Variants in LCOR observed in about 807,000 individuals in gnomAD.
LCOR encodes ligand dependent nuclear receptor corepressor, also known as ligand-dependent corepressor.
Under a neutral mutation model 64.4 loss-of-function variants are expected in LCOR, and 14 were observed. That is an observed-to-expected ratio of 0.22 (90% CI 0.14 to 0.34). The LOEUF (loss-of-function observed/expected upper bound fraction) is 0.34, where lower values mean the gene tolerates loss of function less well. Ranked by LOEUF, LCOR falls within the 10% of genes least tolerant of loss-of-function variation. The probability of loss-of-function intolerance (pLI) is 1.00; values close to 1 mark genes in which losing one functional copy is unlikely to be tolerated. For missense variants in LCOR, 1,686 were observed against 1,765.3 expected (o/e 0.96, Z 0.80); for synonymous variants, 643 against 642.5 (o/e 1.00, Z -0.01).
At chr10:96,969,354 C>G (rs1847977543) in intron 7 of LCOR, among the ~76,000 whole-genome samples, 1 of 152,144 alleles carries the variant, frequency 6.6e-6, no homozygotes, top group Admixed American at 6.5e-5. Flanking sequence ...TTTCATGGTA[C>G]TGTTTTAGGG....
chr10:96,952,252 T>C, intron 7 of LCOR, 56 bp downstream of exon 7: 1 of 1,169,258 alleles, frequency 8.6e-7, no homozygotes. Context: ...TCATCAAAGG[T>C]TGATGCCAGT....
intron 6 of LCOR, among the ~76,000 whole-genome samples, chr10:96,950,727 A>C (rs1290453527): frequency 6.6e-6 from 1 of 152,098 alleles, no homozygotes; most frequent in African/African-American, 2.4e-5. Context: ...TATTTCCTTA[A>C]TGAATGTGTT....
At chr10:96,957,545 C>G (rs1339252643) in intron 7 of LCOR, 13 of 985,294 alleles carry the variant, frequency 1.3e-5, no homozygotes, top group Non-Finnish European at 1.6e-5. Flanking sequence ...CTTCTAAATG[C>G]TTAACCAAAA....
intron 4 of LCOR, among the ~76,000 whole-genome samples, chr10:96,938,883 A>G (rs780028845): frequency 1.3e-5 from 2 of 152,228 alleles, no homozygotes; most frequent in African/African-American, 2.4e-5. Context: ...TTACATGGAA[A>G]GACATGTTCA....
At chr10:96,873,327 C>G (rs940965490) in intron 2 of LCOR, among the ~76,000 whole-genome samples, 1 of 152,094 alleles carries the variant, frequency 6.6e-6, no homozygotes, top group Non-Finnish European at 1.5e-5. Flanking sequence ...ATCTTTTTAA[C>G]TTTCCATTTT....
intron 4 of LCOR, among the ~76,000 whole-genome samples, chr10:96,914,484 A>C (rs754830277): frequency 6.6e-6 from 1 of 152,224 alleles, no homozygotes; most frequent in Non-Finnish European, 1.5e-5. Context: ...GGCGCGAGCC[A>C]CCGCGCCTGG....
At chr10:96,906,490 A>ATCT (rs1846730374) in intron 2 of LCOR, among the ~76,000 whole-genome samples, 3 of 152,194 alleles carry the variant, frequency 2.0e-5, no homozygotes, top group African/African-American at 7.2e-5. Context: ...CCCATAAGAA[A>ATCT]TTGCAAGATG....
Position 96,886,018 on chromosome 10 carries a change from C to T in LCOR, c.-329-21247C>T, listed in dbSNP as rs117619668. Among the ~76,000 whole-genome samples, 625 of 152,236 alleles carry T rather than the reference C, an allele frequency of 4.1e-3. 1 individual carries two copies. The highest frequency in any genetic ancestry group is 7.5e-3 in the Non-Finnish European group (508 of 68,010). On this transcript the variant is annotated intron_variant, in intron 2 of 7. Transcript: ENST00000421806. ...TCAGCCTCCCGAGTAGCTGGGACTA[C>T]GGGCATGCGCCACCATGTCCTGCTA... is the stretch of plus-strand genomic sequence containing the variant.
At chr10:96,971,609 G>A (rs1040927286) in intron 7 of LCOR, among the ~76,000 whole-genome samples, 4 of 152,200 alleles carry the variant, frequency 2.6e-5, no homozygotes, top group Non-Finnish European at 4.4e-5. Context: ...GCTGAGGAGG[G>A]TTGTGTAAGC....
chr10:96,881,449 G>T (rs996789375), intron 2 of LCOR, among the ~76,000 whole-genome samples: 8 of 149,364 alleles, frequency 5.4e-5, no homozygotes, highest in Non-Finnish European at 1.2e-4. Context: ...AGATTTTTTT[G>T]TTGTTGTTTT....
At chr10:96,846,310 A>G (rs1400160116) in intron 2 of LCOR, among the ~76,000 whole-genome samples, 2 of 151,924 alleles carry the variant, frequency 1.3e-5, no homozygotes, top group African/African-American at 2.4e-5. Flanking sequence ...GCTGGAGTAC[A>G]GTTGTGCATT....
chr10:96,936,271 A>T (rs1416333437), intron 4 of LCOR, among the ~76,000 whole-genome samples: 1 of 152,254 alleles, frequency 6.6e-6, no homozygotes, highest in Non-Finnish European at 1.5e-5. Flanking sequence ...CAGTACTTAG[A>T]GGATGTGTGT....
rs562478931 is a variant in LCOR, at chr10:96,890,893, G to A, written c.-329-16372G>A. 1.4e-4 allele frequency among the ~76,000 whole-genome samples: 22 copies of A among 152,122 alleles called. 1 individual carries two copies. In the South Asian group the frequency reaches 4.4e-3, roughly 30 times the overall value. On this transcript the variant is annotated intron_variant, in intron 2 of 7. Transcript: ENST00000421806. ...TATGTTGAACCAGCCTTGCATCTCTGGGATAATTCCATGATGGATGGTCAT... is the reference window on the plus strand; with the variant it reads ...TATGTTGAACCAGCCTTGCATCTCTAGGATAATTCCATGATGGATGGTCAT...
intron 4 of LCOR, among the ~76,000 whole-genome samples, chr10:96,920,125 C>T (rs577701404): frequency 6.6e-6 from 1 of 151,482 alleles, no homozygotes; most frequent in African/African-American, 2.4e-5. Flanking sequence ...CTAAAGGGTT[C>T]CAATTTTTCC....
chr10:96,877,177 T>C (rs1302448355), intron 2 of LCOR, among the ~76,000 whole-genome samples: 1 of 152,124 alleles, frequency 6.6e-6, no homozygotes, highest in East Asian at 1.9e-4. Flanking sequence ...AAAAAATGGC[T>C]ACAATGGATT....
intron 2 of LCOR, among the ~76,000 whole-genome samples, chr10:96,893,077 A>G (rs1331930464): frequency 1.3e-5 from 2 of 152,006 alleles, no homozygotes; most frequent in Admixed American, 6.5e-5. Flanking sequence ...ATTTTACTAC[A>G]TAATAGTTAT....
chr10:96,938,588 TA>T (rs1304984244), intron 4 of LCOR, among the ~76,000 whole-genome samples: 1 of 152,132 alleles, frequency 6.6e-6, no homozygotes, highest in East Asian at 1.9e-4. Context: ...AAAGAAGAGG[TA>T]AAACTGTCTT....
At chr10:96,941,246 C>CG (rs1364391027) in intron 4 of LCOR, among the ~76,000 whole-genome samples, 1 of 141,606 alleles carries the variant, frequency 7.1e-6, no homozygotes, top group Non-Finnish European at 1.6e-5. Context: ...GGCTGACCCC[C>CG]CCACCTCCCT....
chr10:96,958,365 T>C, intron 7 of LCOR: 1 of 1,532,538 alleles, frequency 6.5e-7, no homozygotes, highest in Non-Finnish European at 8.8e-7. Flanking sequence ...GTAGTGTACA[T>C]GGAGTGATCA....
Sources: allele counts gnomAD v4.1 joint callset (sites outside exome capture counted in the v4.1 genomes callset), GRCh38; gene constraint gnomAD v4.1.1; transcripts MANE v1.5; gene names NCBI Gene and HGNC (gene_info 2026-07-23, HGNC 2026-07-21).